Variants in SLC6A11 observed in about 807,000 individuals in gnomAD.
The protein encoded by SLC6A11 is sodium- and chloride-dependent GABA transporter 3.
SLC6A11 carries 25 observed loss-of-function variants against 74.8 expected under a neutral mutation model. The ratio of observed to expected loss-of-function variants is 0.33; its 90% CI spans 0.24 to 0.47. The LOEUF is 0.47. Among genes scored for constraint, SLC6A11 ranks in the 20% least tolerant of loss-of-function variants. SLC6A11 has a pLI of 1.00. For synonymous variants in SLC6A11, 330 were observed against 330.2 expected, an observed-to-expected ratio of 1.00 and a Z score of 0.01; for missense variants, 574 against 837.0, an observed-to-expected ratio of 0.69 and a Z score of 3.88.
intron 6 of SLC6A11, among the ~76,000 whole-genome samples, chr3:10,911,194 CAGTA>C (rs1162219572): frequency 1.3e-5 from 2 of 152,272 alleles, no homozygotes; most frequent in Admixed American, 6.5e-5. Flanking sequence ...ATTGAGAGGT[CAGTA>C]AGTGTTTCCT....
chr3:10,898,495 A>G (rs182152935), intron 6 of SLC6A11, among the ~76,000 whole-genome samples: 34 of 152,334 alleles, frequency 2.2e-4, no homozygotes, highest in African/African-American at 7.7e-4. Flanking sequence ...ATCTCTCTTA[A>G]GTTCAAAGTT....
chr3:10,928,955 G>C (rs1326027645), intron 9 of SLC6A11, among the ~76,000 whole-genome samples: 1 of 152,226 alleles, frequency 6.6e-6, no homozygotes, highest in South Asian at 2.1e-4. Context: ...TGACTGCCAC[G>C]TCCTTGCTGA....
At chr3:10,856,107 C>A (rs1400390114) in intron 5 of SLC6A11, among the ~76,000 whole-genome samples, 3 of 152,210 alleles carry the variant, frequency 2.0e-5, no homozygotes, top group Non-Finnish European at 4.4e-5. Flanking sequence ...TCGTGGCAGT[C>A]ACTCAACCAA....
At chr3:10,875,241 T>C (rs1402579869) in intron 6 of SLC6A11, 146 bp downstream of exon 6, 4 of 652,060 alleles carry the variant, frequency 6.1e-6, no homozygotes, top group Non-Finnish European at 9.1e-6. Context: ...TTTAAATGCA[T>C]AAATTTAATA....
chr3:10,899,237 T>C (rs1695207948), intron 6 of SLC6A11, among the ~76,000 whole-genome samples: 1 of 152,022 alleles, frequency 6.6e-6, no homozygotes, highest in Admixed American at 6.5e-5. Flanking sequence ...TGGTTCCTTC[T>C]AGCCACATGA....
intron 6 of SLC6A11, among the ~76,000 whole-genome samples, chr3:10,879,965 T>G (rs1381103426): frequency 1.3e-5 from 2 of 152,088 alleles, no homozygotes; most frequent in African/African-American, 2.4e-5. Context: ...TGATTAAAAG[T>G]GAGGCTAATT....
Position 10,816,772 on chromosome 3 carries a change from C to T in SLC6A11, c.256+251C>T, listed in dbSNP as rs1694067908. Among the ~76,000 whole-genome samples the T allele has an allele frequency of 6.6e-6, 1 of 152,246 alleles. No individual in the cohort carries two copies. ...CGGGGACTTGCCCGCGTTCTGTCCC[C>T]AGCATGAGATGCAGACCGAGGCCAG... On this transcript the variant is annotated intron_variant, in intron 1 of 13. Transcript: ENST00000254488. This position sits in a 1 kb window ranked among gnomAD's most constrained non-coding sequence, Gnocchi z 4.2.
chr3:10,879,994 A>C (rs1348767693), intron 6 of SLC6A11, among the ~76,000 whole-genome samples: 1 of 152,198 alleles, frequency 6.6e-6, no homozygotes, highest in Non-Finnish European at 1.5e-5. Context: ...AATGTTCAAA[A>C]AATATTTAAA....
At position 10,912,175 on chromosome 3, in the gene SLC6A11, A is replaced by G. The variant is rs1695396469; in HGVS notation, c.977A>G (p.Tyr326Cys). 6.2e-7 allele frequency: 1 copy of G among 1,611,836 alleles called. No homozygotes were observed. Among genetic ancestry groups the G allele is most frequent in the Non-Finnish European group, 8.5e-7 (1 of 1,177,896 alleles). Residue 326 changes from tyrosine (Y) to cysteine (C), a missense_variant, in exon 7 of 14, where the codon TAT (tyrosine) becomes TGT (cysteine). Coordinates refer to ENST00000254488, the MANE Select transcript of SLC6A11 (RefSeq NM_014229.3). The part of the protein sequence containing the change: ...CLTALGSYNN[Y>C]NNNCYRDCIM... Reference sequence around the variant, plus strand: ...ACCGCTCTGGGAAGTTATAACAATTATAACAACAACTGCTACAGGTGAGCA... The same window carrying G: ...ACCGCTCTGGGAAGTTATAACAATTGTAACAACAACTGCTACAGGTGAGCA...
intron 6 of SLC6A11, among the ~76,000 whole-genome samples, chr3:10,879,947 C>T (rs938117405): frequency 1.3e-5 from 2 of 152,034 alleles, no homozygotes; most frequent in African/African-American, 4.8e-5. Context: ...ACATATATGT[C>T]ATATATGTGA....
At position 10,926,232 on chromosome 3, in the gene SLC6A11, C is replaced by A; in HGVS notation, c.1233+116C>A. On this transcript the variant is annotated intron_variant, in intron 9 of 13. Coordinates refer to ENST00000254488, the MANE Select transcript of SLC6A11 (RefSeq NM_014229.3). The surrounding 1 kb of genome is among the most constrained non-coding windows in gnomAD (Gnocchi z 5.7). ...AGCCACTCCCACCTGGCCCTGGCATCAGGGCCCTGCCCACCGTCCCCCATT... is the reference window on the plus strand; with the variant it reads ...AGCCACTCCCACCTGGCCCTGGCATAAGGGCCCTGCCCACCGTCCCCCATT... The A allele has an allele frequency of 1.5e-6, 1 of 668,300 alleles. No homozygotes were observed. Among genetic ancestry groups the A allele is most frequent in the Non-Finnish European group, 2.6e-6 (1 of 378,176 alleles). 41.4% of individuals were successfully genotyped at this position (668,300 alleles called of 1,614,324 possible). A position where few individuals can be genotyped will look rare whatever the true frequency, so the allele number is the denominator to read the frequency against.
chr3:10,848,057 A>C (rs944427682), intron 5 of SLC6A11, among the ~76,000 whole-genome samples: 12 of 152,236 alleles, frequency 7.9e-5, no homozygotes, highest in Admixed American at 2.6e-4. Flanking sequence ...AAGCCTCAGC[A>C]CAAATTTCCA....
Position 10,938,967 on chromosome 3 carries a change from T to C in SLC6A11, c.*565T>C. ...CTGGGCTGCAGGCCCCCCTCTGCCC[T>C]GATCCCATGAAGTGACCTTGGGCAC... On this transcript the variant is annotated 3_prime_UTR_variant, in exon 14 of 14. Coordinates refer to ENST00000254488, the MANE Select transcript of SLC6A11 (RefSeq NM_014229.3). 6.6e-6 allele frequency: 1 copy of C among 152,424 alleles called. No homozygotes were observed. The highest frequency in any genetic ancestry group is 1.5e-5 in the Non-Finnish European group (1 of 68,076). The allele number at this position is 152,424 out of a possible 1,614,324, so 9.4% of individuals were successfully genotyped here. A position where few individuals can be genotyped will look rare whatever the true frequency, so the allele number is the denominator to read the frequency against.
At chr3:10,864,270 G>A (rs548002822) in intron 5 of SLC6A11, among the ~76,000 whole-genome samples, 2 of 151,732 alleles carry the variant, frequency 1.3e-5, no homozygotes, top group South Asian at 4.2e-4. Context: ...TAAGCTCTTA[G>A]ATGTTAGATT....
At chr3:10,817,238 G>A (rs1170936039) in intron 1 of SLC6A11, among the ~76,000 whole-genome samples, 1 of 152,118 alleles carries the variant, frequency 6.6e-6, no homozygotes, top group African/African-American at 2.4e-5. Flanking sequence ...ACAACGAACA[G>A]TTTATTTTAC....
At chr3:10,872,175 G>C (rs1694835573) in intron 5 of SLC6A11, among the ~76,000 whole-genome samples, 1 of 152,194 alleles carries the variant, frequency 6.6e-6, no homozygotes, top group South Asian at 2.1e-4. Context: ...AGTCAGGCAG[G>C]ACTTGCTATG....
At chr3:10,887,690 C>T (rs893565764) in intron 6 of SLC6A11, among the ~76,000 whole-genome samples, 3 of 152,198 alleles carry the variant, frequency 2.0e-5, no homozygotes, top group African/African-American at 7.2e-5. Context: ...AAGTGATCTG[C>T]CCGTCTCAGC....
At chr3:10,869,341 G>A (rs1694802407) in intron 5 of SLC6A11, among the ~76,000 whole-genome samples, 1 of 152,188 alleles carries the variant, frequency 6.6e-6, no homozygotes, top group African/African-American at 2.4e-5. Context: ...GGCTAAGAGG[G>A]TGGCTTCTGT....
rs1694071340 is a variant in SLC6A11 at position 10,816,978 on chromosome 3, C to T, written c.256+457C>T. 6.6e-6 allele frequency among the ~76,000 whole-genome samples: 1 copy of T among 152,228 alleles called. No individual in the cohort carries two copies. The highest frequency in any genetic ancestry group is 2.4e-5 in the African/African-American group (1 of 41,462). On this transcript the variant is annotated intron_variant, in intron 1 of 13. Coordinates refer to ENST00000254488, the MANE Select transcript of SLC6A11 (RefSeq NM_014229.3). This position sits in a 1 kb window ranked among gnomAD's most constrained non-coding sequence, Gnocchi z 4.2. ...TGACCATATCATCTCATCTCATCCT[C>T]TCAGTCACTTTCGTAGGCAGGGGTC... is the stretch of plus-strand genomic sequence containing the variant.
Sources: allele counts gnomAD v4.1 joint callset (sites outside exome capture counted in the v4.1 genomes callset), GRCh38; gene constraint gnomAD v4.1.1; non-coding constraint Gnocchi (gnomAD v3.1); transcripts MANE v1.5; gene names NCBI Gene and HGNC (gene_info 2026-07-23, HGNC 2026-07-21).